Variants in ADAP1 observed in about 807,000 individuals in gnomAD.
ADAP1 encodes the protein ArfGAP with dual PH domains 1.
A neutral mutation model predicts 54.9 loss-of-function variants in ADAP1; 31 were observed. The ratio of observed to expected loss-of-function variants is 0.56; its 90% CI spans 0.42 to 0.76. The LOEUF (loss-of-function observed/expected upper bound fraction) is 0.76, where lower values mean the gene tolerates loss of function less well. Among genes scored for constraint, ADAP1 ranks in the 30% least tolerant of loss-of-function variants. The probability of loss-of-function intolerance (pLI) is 0.00; values close to 1 mark genes in which losing one functional copy is unlikely to be tolerated. For missense variants in ADAP1, 535 were observed against 512.4 expected (o/e 1.04, Z -0.42); for synonymous variants, 313 against 202.6 (o/e 1.55, Z -4.63).
intron 2 of ADAP1, among the ~76,000 whole-genome samples, chr7:931,940 C>A (rs1031188929): frequency 1.3e-5 from 2 of 152,190 alleles, no homozygotes; most frequent in Non-Finnish European, 2.9e-5. Flanking sequence ...TGACCACCAG[C>A]CCAGGAATGG....
intron 4 of ADAP1, among the ~76,000 whole-genome samples, chr7:906,540 A>G (rs1421341966): frequency 1.3e-4 from 2 of 15,816 alleles, no homozygotes; most frequent in African/African-American, 6.4e-4. Context: ...AGGAGAAAGG[A>G]GAAGGGAGAA....
intron 6 of ADAP1, chr7:900,875 A>C: frequency 3.2e-6 from 2 of 617,008 alleles, no homozygotes; most frequent in Non-Finnish European, 6.1e-6. Context: ...GAAGGGCCGA[A>C]GGGCCGAAGG....
chr7:953,511 C>T (rs563177691), intron 1 of ADAP1, among the ~76,000 whole-genome samples: 41 of 152,302 alleles, frequency 2.7e-4, no homozygotes, highest in Admixed American at 4.6e-4. Context: ...CAGTCACCGC[C>T]GGTGAGTTTA....
At chr7:912,445 G>A (rs1166567562) in intron 4 of ADAP1, among the ~76,000 whole-genome samples, 1 of 152,182 alleles carries the variant, frequency 6.6e-6, no homozygotes, top group African/African-American at 2.4e-5. Context: ...GGGGAGGGGT[G>A]CGGCGCGTCC....
At chr7:899,792 C>G (rs888003571) in intron 8 of ADAP1, among the ~76,000 whole-genome samples, 1 of 152,188 alleles carries the variant, frequency 6.6e-6, no homozygotes, top group Non-Finnish European at 1.5e-5. Flanking sequence ...CCAAGACTCC[C>G]AGGATTTGTG....
chr7:920,162 C>T lies in ADAP1; in HGVS notation c.306-112G>A. 1 of 883,698 alleles carries T rather than the reference C, an allele frequency of 1.1e-6. No homozygotes were observed. The highest frequency in any genetic ancestry group is 1.6e-5 in the South Asian group (1 of 63,360). 54.7% of individuals were successfully genotyped at this position (883,698 alleles called of 1,614,324 possible). On this transcript the variant is annotated intron_variant, in intron 3 of 10. Transcript: ENST00000265846. This position sits in a 1 kb window ranked among gnomAD's most constrained non-coding sequence, Gnocchi z 4.5. ...TCAAGAGGCTCATAGGGACCCCCGG[C>T]AGACTCGAGCCGCCCCTCTGGGCAC...
At chr7:900,834 G>A in intron 6 of ADAP1, 1 of 644,704 alleles carries the variant, frequency 1.6e-6, no homozygotes, top group Non-Finnish European at 2.9e-6. Flanking sequence ...CTGCGGGAGG[G>A]CAGGTGCAGC....
chr7:933,219 C>T (rs933081102), intron 2 of ADAP1, among the ~76,000 whole-genome samples: 6 of 151,288 alleles, frequency 4.0e-5, no homozygotes, highest in Admixed American at 6.6e-5. Flanking sequence ...TGCAGTGAGC[C>T]GAGATCATGC....
In ADAP1 at chr7:926,010, C is replaced by T. The variant is rs139483835; in HGVS notation, c.305+543G>A. On this transcript the variant is annotated intron_variant, in intron 3 of 10. Transcript: ENST00000265846. This position sits in a 1 kb window ranked among gnomAD's most constrained non-coding sequence, Gnocchi z 4.6. ...GTTGTCACCTCTCATTCCCACCGTC[C>T]GGGCAGATGGGGAGACTGAGGCTTG... Among the ~76,000 whole-genome samples, 51 of 152,246 alleles carry T rather than the reference C, an allele frequency of 3.3e-4. No individual in the cohort carries two copies. Among genetic ancestry groups the T allele is most frequent in the African/African-American group, 1.1e-3 (46 of 41,566 alleles).
At position 905,410 on chromosome 7, in the gene ADAP1, AG is replaced by A. The variant is rs368445366; in HGVS notation, c.389-239del. Reference sequence around the variant, plus strand: ...AGAAAGGAGAAAGGAGAAAGGAGAAAGGGAGAAAGAGAAAGGAGAAAGGAGA... The same window carrying A: ...AGAAAGGAGAAAGGAGAAAGGAGAAAGGAGAAAGAGAAAGGAGAAAGGAGA... On this transcript the variant is annotated intron_variant, in intron 4 of 10. Transcript: ENST00000265846. 201 of 167,780 alleles carry A rather than the reference AG, an allele frequency of 1.2e-3. 29 individuals carry two copies. Among genetic ancestry groups the A allele is most frequent in the African/African-American group, 1.7e-3 (14 of 8,274 alleles). 10.4% of individuals were successfully genotyped at this position (167,780 alleles called of 1,614,324 possible).
intron 1 of ADAP1, among the ~76,000 whole-genome samples, chr7:943,825 A>AGAGGAGGAGGAAGG (rs1453939956): frequency 5.2e-5 from 6 of 116,296 alleles, no homozygotes; most frequent in Non-Finnish European, 3.5e-5. Flanking sequence ...ACGAAGGGAG[A>AGAGGAGGAGGAAGG]GAGGAGGAGG....
chr7:907,677 C>G (rs547753846), intron 4 of ADAP1, among the ~76,000 whole-genome samples: 1 of 152,356 alleles, frequency 6.6e-6, no homozygotes, highest in East Asian at 1.9e-4. Flanking sequence ...GATGCAGCTT[C>G]TTCTATGGCC....
rs1776460357 is a variant in ADAP1, at chr7:920,153, G to A, written c.306-103C>T. 6.7e-6 allele frequency: 7 copies of A among 1,037,238 alleles called. No individual in the cohort carries two copies. The South Asian group carries it at 8.7e-5, about 13-fold the overall frequency. 64.3% of individuals were successfully genotyped at this position (1,037,238 alleles called of 1,614,324 possible). On this transcript the variant is annotated intron_variant, in intron 3 of 10. Transcript: ENST00000265846. This position sits in a 1 kb window ranked among gnomAD's most constrained non-coding sequence, Gnocchi z 4.5. ...CTGGACATCTCAAGAGGCTCATAGG[G>A]ACCCCCGGCAGACTCGAGCCGCCCC...
Position 898,966 on chromosome 7 carries a change from T to C in ADAP1, c.1097-17A>G. The C allele has an allele frequency of 6.2e-7, 1 of 1,611,532 alleles. No individual in the cohort carries two copies. The highest frequency in any genetic ancestry group is 8.5e-7 in the Non-Finnish European group (1 of 1,179,456). ...GCGCCTCCACTGCAACGGAACAGGGTCCAGCGTTGTCACAGCGGCGGGGAG... is the reference window on the plus strand; with the variant it reads ...GCGCCTCCACTGCAACGGAACAGGGCCCAGCGTTGTCACAGCGGCGGGGAG... On this transcript the variant is annotated splice_polypyrimidine_tract_variant and intron_variant, in intron 10 of 10. Coordinates refer to ENST00000265846, the MANE Select transcript of ADAP1 (RefSeq NM_006869.4).
At chr7:930,945 A>G (rs1583173986) in intron 2 of ADAP1, among the ~76,000 whole-genome samples, 2 of 145,498 alleles carry the variant, frequency 1.4e-5, no homozygotes, top group Non-Finnish European at 1.5e-5. Flanking sequence ...GTGCCACTGC[A>G]TTCCAGCCTG....
Position 945,575 on chromosome 7 carries a change from C to T in ADAP1, c.82+8821G>A, listed in dbSNP as rs532152816. ...TACACACTGGGCCCAAGGGTGGCTG[C>T]GGCATGGCTGATGTGGTGGTGGAGA... is the stretch of plus-strand genomic sequence containing the variant. On this transcript the variant is annotated intron_variant, in intron 1 of 10. Transcript: ENST00000265846. This position sits in a 1 kb window ranked among gnomAD's most constrained non-coding sequence, Gnocchi z 4.2. Among the ~76,000 whole-genome samples, 4 of 152,236 alleles carry T rather than the reference C, an allele frequency of 2.6e-5. No homozygotes were observed. Among genetic ancestry groups the T allele is most frequent in the East Asian group, 3.8e-4 (2 of 5,200 alleles).
At position 954,657 on chromosome 7, in the gene ADAP1, C is replaced by T. The variant is rs997477048; in HGVS notation, c.-180G>A. 8.1e-6 allele frequency: 8 copies of T among 982,544 alleles called. No individual in the cohort carries two copies. In the South Asian group the frequency reaches 1.4e-4, roughly 17 times the overall value. 60.9% of individuals were successfully genotyped at this position (982,544 alleles called of 1,614,324 possible). A position where few individuals can be genotyped will look rare whatever the true frequency, so the allele number is the denominator to read the frequency against. The stretch of plus-strand genomic sequence containing the variant: ...TGGGCTCCGCCGCCGCCGCTCGTGT[C>T]TCCGCCGCGGTCGCTGAGCGAGTGC... On this transcript the variant is annotated 5_prime_UTR_variant, in exon 1 of 11. Coordinates refer to ENST00000265846, the MANE Select transcript of ADAP1 (RefSeq NM_006869.4).
rs917581990 is a variant in ADAP1, at chr7:920,159, C to T, written c.306-109G>A. On this transcript the variant is annotated intron_variant, in intron 3 of 10. Coordinates refer to ENST00000265846, the MANE Select transcript of ADAP1 (RefSeq NM_006869.4). This position sits in a 1 kb window ranked among gnomAD's most constrained non-coding sequence, Gnocchi z 4.5. ...ATCTCAAGAGGCTCATAGGGACCCCCGGCAGACTCGAGCCGCCCCTCTGGG... is the reference window on the plus strand; with the variant it reads ...ATCTCAAGAGGCTCATAGGGACCCCTGGCAGACTCGAGCCGCCCCTCTGGG... 3.0e-5 allele frequency: 28 copies of T among 939,416 alleles called. No homozygotes were observed. Among genetic ancestry groups the T allele is most frequent in the Middle Eastern group, 3.1e-4 (1 of 3,248 alleles). 58.2% of individuals were successfully genotyped at this position (939,416 alleles called of 1,614,324 possible).
At chr7:951,007 G>A (rs574377376) in intron 1 of ADAP1, among the ~76,000 whole-genome samples, 6 of 152,126 alleles carry the variant, frequency 3.9e-5, no homozygotes, top group East Asian at 3.9e-4. Flanking sequence ...TGGTGGTGGC[G>A]GTGGCACGGT....
Sources: gnomAD v4.1 joint callset for allele counts (sites outside exome capture counted in the v4.1 genomes callset) on GRCh38, gnomAD v4.1.1 for gene constraint, Gnocchi (gnomAD v3.1) non-coding constraint, MANE v1.5 for transcripts, NCBI Gene and HGNC (gene_info 2026-07-23, HGNC 2026-07-21) for gene names.